The following SGIP1 variants were observed in gnomAD, a reference collection of about 807,000 sequenced individuals.
SGIP1 encodes the protein SH3-containing GRB2-like protein 3-interacting protein 1.
A neutral mutation model predicts 107.5 loss-of-function variants in SGIP1; 38 were observed. That is an observed-to-expected ratio of 0.35 (90% CI 0.27 to 0.46). The LOEUF (loss-of-function observed/expected upper bound fraction) is 0.46. Among genes scored for constraint, SGIP1 ranks in the 20% least tolerant of loss-of-function variants. The pLI is 1.00. For synonymous variants in SGIP1, 365 were observed against 366.1 expected (o/e 1.00, Z 0.03); for missense variants, 929 against 1,019.5 (o/e 0.91, Z 1.21).
intron 17 of SGIP1, among the ~76,000 whole-genome samples, chr1:66,690,816 A>AT (rs914610784): frequency 7.3e-5 from 11 of 151,444 alleles, no homozygotes; most frequent in African/African-American, 1.2e-4. Context: ...ACTTTTCGAC[A>AT]TTTTTTTTTC....
intron 18 of SGIP1, among the ~76,000 whole-genome samples, chr1:66,703,939 T>G (rs1030587501): frequency 2.0e-5 from 3 of 151,892 alleles, no homozygotes. Context: ...TTCTAGATCT[T>G]AGTTATAACC....
intron 20 of SGIP1, among the ~76,000 whole-genome samples, chr1:66,729,967 A>T (rs934375370): frequency 6.6e-6 from 1 of 151,866 alleles, no homozygotes; most frequent in South Asian, 2.1e-4. Context: ...ACACCTGGCT[A>T]ATTTTTGTAT....
At chr1:66,645,829 G>T (rs760282172) in intron 7 of SGIP1, among the ~76,000 whole-genome samples, 15 of 152,094 alleles carry the variant, frequency 9.9e-5, no homozygotes, top group Non-Finnish European at 2.1e-4. Flanking sequence ...GATAGATATA[G>T]ATATAGATAG....
At chr1:66,540,374 A>G (rs1309206138) in intron 1 of SGIP1, among the ~76,000 whole-genome samples, 2 of 152,164 alleles carry the variant, frequency 1.3e-5, no homozygotes, top group African/African-American at 4.8e-5. Context: ...CAGTTTTGTC[A>G]GTATGCTGGA....
At chr1:66,652,033 A>G (rs1359864891) in intron 7 of SGIP1, among the ~76,000 whole-genome samples, 1 of 152,106 alleles carries the variant, frequency 6.6e-6, no homozygotes, top group Non-Finnish European at 1.5e-5. Context: ...TGATGCCCCT[A>G]TTTTACGGAG....
intron 18 of SGIP1, among the ~76,000 whole-genome samples, chr1:66,715,032 T>C (rs2150382310): frequency 6.6e-6 from 1 of 152,166 alleles, no homozygotes; most frequent in East Asian, 1.9e-4. Flanking sequence ...GCAAAATACC[T>C]GGTATTCTTG....
At chr1:66,620,311 G>T (rs2070662255) in intron 1 of SGIP1, among the ~76,000 whole-genome samples, 1 of 152,002 alleles carries the variant, frequency 6.6e-6, no homozygotes, top group Non-Finnish European at 1.5e-5. Flanking sequence ...TTTTTAAAAA[G>T]TTTTTTAAAA....
chr1:66,576,581 A>G (rs1438713177), intron 1 of SGIP1, among the ~76,000 whole-genome samples: 1 of 152,226 alleles, frequency 6.6e-6, no homozygotes, highest in Non-Finnish European at 1.5e-5. Flanking sequence ...TATTACCTCA[A>G]CCTTTAATAT....
At chr1:66,535,117 C>G (rs997574671) in intron 1 of SGIP1, among the ~76,000 whole-genome samples, 16 of 152,080 alleles carry the variant, frequency 1.1e-4, no homozygotes, top group African/African-American at 3.6e-4. Context: ...AGGAACTTTC[C>G]CTGGAGAGAT....
intron 7 of SGIP1, among the ~76,000 whole-genome samples, chr1:66,650,414 G>A (rs1351980971): frequency 6.6e-6 from 1 of 152,082 alleles, no homozygotes; most frequent in Non-Finnish European, 1.5e-5. Flanking sequence ...CATGTAGCAG[G>A]CACTGAGAGC....
chr1:66,599,579 A>C (rs2065356902), intron 1 of SGIP1, among the ~76,000 whole-genome samples: 1 of 152,174 alleles, frequency 6.6e-6, no homozygotes, highest in South Asian at 2.1e-4. Flanking sequence ...CTGAGTCTGA[A>C]TGTACAGTAT....
At chr1:66,665,413 A>G (rs2082322448) in intron 8 of SGIP1, among the ~76,000 whole-genome samples, 1 of 152,198 alleles carries the variant, frequency 6.6e-6, no homozygotes, top group Non-Finnish European at 1.5e-5. Flanking sequence ...GCTATTGTGA[A>G]TAGTGCCACA....
At chr1:66,580,034 A>G (rs1288835251) in intron 1 of SGIP1, among the ~76,000 whole-genome samples, 1 of 152,108 alleles carries the variant, frequency 6.6e-6, no homozygotes, top group Non-Finnish European at 1.5e-5. Flanking sequence ...ATATACACAC[A>G]TATGTTTATT....
intron 2 of SGIP1, among the ~76,000 whole-genome samples, chr1:66,628,107 A>T (rs1037558132): frequency 6.6e-6 from 1 of 152,102 alleles, no homozygotes; most frequent in East Asian, 1.9e-4. Context: ...ATAGTATTCC[A>T]TGGTGTATAT....
intron 18 of SGIP1, among the ~76,000 whole-genome samples, chr1:66,715,394 C>T (rs2093177916): frequency 6.6e-6 from 1 of 151,976 alleles, no homozygotes; most frequent in South Asian, 2.1e-4. Flanking sequence ...GTTTCTGCTT[C>T]CCTGGCATCA....
intron 1 of SGIP1, among the ~76,000 whole-genome samples, chr1:66,586,869 G>A (rs1450050446): frequency 6.6e-6 from 1 of 151,790 alleles, no homozygotes; most frequent in Non-Finnish European, 1.5e-5. Flanking sequence ...AGGTCTGCTG[G>A]TGATAAATTC....
rs199872155 is a variant in SGIP1, at chr1:66,695,430, A to G, written c.1571-4A>G. 10 of 1,614,004 alleles carry G rather than the reference A, an allele frequency of 6.2e-6. No homozygotes were observed. The African/African-American group carries it at 1.3e-4, about 22-fold the overall frequency. On this transcript the variant is annotated splice_region_variant and splice_polypyrimidine_tract_variant and intron_variant, in intron 17 of 24. Transcript: ENST00000371037. ...CCATCCCGCTTCAACTCCTGGCCATACAGAGAATGAACAGCCTTCCCTCGT... is the reference window on the plus strand; with the variant it reads ...CCATCCCGCTTCAACTCCTGGCCATGCAGAGAATGAACAGCCTTCCCTCGT...
At chr1:66,568,693 G>T (rs964870351) in intron 1 of SGIP1, among the ~76,000 whole-genome samples, 2 of 151,802 alleles carry the variant, frequency 1.3e-5, no homozygotes, top group Non-Finnish European at 2.9e-5. Flanking sequence ...TTCATCCCTG[G>T]GATGCAAGGC....
At position 66,681,979 on chromosome 1, in the gene SGIP1, G is replaced by A. The variant is rs760740400; in HGVS notation, c.925G>A (p.Glu309Lys). 8 of 1,614,196 alleles carry A rather than the reference G, an allele frequency of 5.0e-6. No individual in the cohort carries two copies. Among genetic ancestry groups the A allele is most frequent in the South Asian group, 2.2e-5 (2 of 91,090 alleles). ...LSPKSVAVNA[E>K]EKWVHFSDTS... ...CCCCAAGTCTGTTGCTGTTAATGCT[G>A]AAGAAAAGTGGGTCCATTTTTCTGA... Residue 309 changes from glutamate (E) to lysine (K), a missense_variant, in exon 15 of 25, where the codon GAA becomes AAA. Glu to Lys is a moderately conservative substitution (Grantham distance 56). This residue lies in a region of SGIP1 where 588 missense variants were observed against 588.6 expected (regional missense o/e 1.00). Transcript: ENST00000371037.
Sources: gnomAD v4.1 joint callset for allele counts (sites outside exome capture counted in the v4.1 genomes callset) on GRCh38, gnomAD v4.1.1 for gene constraint, gnomAD v4.1.1 regional missense constraint, MANE v1.5 for transcripts, NCBI Gene and HGNC (gene_info 2026-07-23, HGNC 2026-07-21) for gene names.